The following WDR41 variants were observed in gnomAD, a reference collection of about 807,000 sequenced individuals.
The protein encoded by WDR41 is WD repeat domain 41.
WDR41 carries 63 observed loss-of-function variants against 69.3 expected under a neutral mutation model. The observed-to-expected ratio is 0.91, with a 90% confidence interval of 0.74 to 1.12. WDR41 has a LOEUF of 1.12. Among genes scored for constraint, WDR41 ranks in the 50% most tolerant of loss-of-function variants. WDR41 has a pLI of 0.00. For synonymous variants in WDR41, 185 were observed against 192.1 expected, an observed-to-expected ratio of 0.96 and a Z score of 0.31; for missense variants, 543 against 534.5, an observed-to-expected ratio of 1.02 and a Z score of -0.16.
intron 1 of WDR41, among the ~76,000 whole-genome samples, chr5:77,599,508 C>T (rs371306501): frequency 6.6e-6 from 1 of 151,970 alleles, no homozygotes; most frequent in South Asian, 2.1e-4. Flanking sequence ...CCTGGAAGCT[C>T]TTAATATCAG....
intron 1 of WDR41, among the ~76,000 whole-genome samples, chr5:77,557,693 C>T (rs563063090): frequency 6.6e-6 from 1 of 151,610 alleles, no homozygotes; most frequent in African/African-American, 2.4e-5. Flanking sequence ...CTCCTAGGCA[C>T]GTACCTACAG....
chr5:77,452,746 C>A (rs1799675397), intron 6 of WDR41: 1 of 152,108 alleles, frequency 6.6e-6, no homozygotes, highest in Non-Finnish European at 1.5e-5. Context: ...TGATAAATGG[C>A]AGTATTGTAA....
At chr5:77,492,420 C>T (rs975414361), upstream of WDR41, 4 of 613,486 alleles carry the variant, frequency 6.5e-6, no homozygotes, top group African/African-American at 3.9e-5. Flanking sequence ...TACCCAGCCA[C>T]GGAGGCTTAG....
intron 1 of WDR41, among the ~76,000 whole-genome samples, chr5:77,544,195 C>T (rs1469346619): frequency 2.6e-5 from 4 of 151,978 alleles, no homozygotes; most frequent in African/African-American, 7.3e-5. Context: ...AACAGAACTT[C>T]TTTAAAGCAT....
intron 1 of WDR41, among the ~76,000 whole-genome samples, chr5:77,555,047 A>G (rs2112247301): frequency 6.6e-6 from 1 of 151,762 alleles, no homozygotes; most frequent in South Asian, 2.1e-4. Context: ...TGATTGTACC[A>G]CTGCATTCCA....
chr5:77,546,149 C>T, intron 1 of WDR41: 1 of 481,630 alleles, frequency 2.1e-6, no homozygotes, highest in Non-Finnish European at 3.6e-6. Flanking sequence ...CCTCCGACCT[C>T]TGGAAGGAGA....
At chr5:77,609,951 G>T (rs2112338388) in intron 1 of WDR41, among the ~76,000 whole-genome samples, 1 of 152,190 alleles carries the variant, frequency 6.6e-6, no homozygotes, top group East Asian at 1.9e-4. Context: ...CCAATACAGA[G>T]AAGTGCTTAA....
intron 1 of WDR41, among the ~76,000 whole-genome samples, chr5:77,558,479 G>T (rs572479759): frequency 6.6e-6 from 1 of 152,128 alleles, no homozygotes; most frequent in Non-Finnish European, 1.5e-5. Context: ...GACCTGCACC[G>T]AATTCCCCAG....
Position 77,459,051 on chromosome 5 carries a change from T to A in WDR41, c.411+11A>T, listed in dbSNP as rs376959302. 14 of 1,576,452 alleles carry A rather than the reference T, an allele frequency of 8.9e-6. No homozygotes were observed. The highest frequency in any genetic ancestry group is 1.4e-5 in the African/African-American group (1 of 73,732). On this transcript the variant is annotated intron_variant, in intron 5 of 12. Transcript: ENST00000296679. ...ATTGTCATAAAAACTCATATTTACT[T>A]AAGATTTTACCTTTACAGTAGACTG... is the stretch of plus-strand genomic sequence containing the variant.
chr5:77,504,452 A>G (rs1240052665), intron 1 of WDR41, among the ~76,000 whole-genome samples: 1 of 152,158 alleles, frequency 6.6e-6, no homozygotes, highest in African/African-American at 2.4e-5. Flanking sequence ...GGTACAAAGA[A>G]GAGCTGGTAC....
At chr5:77,513,041 T>C (rs1298495079) in intron 1 of WDR41, among the ~76,000 whole-genome samples, 1 of 152,180 alleles carries the variant, frequency 6.6e-6, no homozygotes, top group Non-Finnish European at 1.5e-5. Flanking sequence ...ATTTAAATTA[T>C]TATGATTTTA....
In WDR41 at chr5:77,556,264, C is replaced by T. The variant is rs1426357271; in HGVS notation, c.42+64215G>A. Among the ~76,000 whole-genome samples the T allele has an allele frequency of 2.0e-5, 3 of 151,942 alleles. No homozygotes were observed. The East Asian group carries it at 5.8e-4, about 29-fold the overall frequency. On this transcript the variant is annotated intron_variant, in intron 1 of 5. Coordinates refer to the WDR41 transcript ENST00000509971. ...GGATTATAGGCCCATGCCACCACGC[C>T]CAGCTAATTTTTGTATTTTTAGTAG...
In WDR41 at chr5:77,585,897, A is replaced by G. The variant is rs148905106; in HGVS notation, c.42+34582T>C. The stretch of plus-strand genomic sequence containing the variant: ...TGTATACTGCTTGGGTGATGAGTGC[A>G]CCAAAATCTCACAAATCACCACTAA... On this transcript the variant is annotated intron_variant, in intron 1 of 5. Coordinates refer to the WDR41 transcript ENST00000509971. Among the ~76,000 whole-genome samples, 942 of 152,276 alleles carry G rather than the reference A, an allele frequency of 6.2e-3. 50 individuals carry two copies. In the East Asian group the frequency reaches 0.15, roughly 24 times the overall value.
intron 3 of WDR41, among the ~76,000 whole-genome samples, chr5:77,463,891 C>G (rs1800175449): frequency 6.6e-6 from 1 of 150,758 alleles, no homozygotes; most frequent in African/African-American, 2.4e-5. Flanking sequence ...TTATCACAGG[C>G]AAAGCCATTG....
In WDR41 at chr5:77,454,064, G is replaced by T; in HGVS notation, c.412-136C>A. On this transcript the variant is annotated intron_variant, in intron 5 of 12. Coordinates refer to ENST00000296679, the MANE Select transcript of WDR41 (RefSeq NM_018268.4). ...CTTATTTCTCCTTAGTAGATCATGT[G>T]GGCACTACTAAGTGACTAGCTTCTA... The T allele has an allele frequency of 4.5e-6, 3 of 664,078 alleles. No homozygotes were observed. The South Asian group carries it at 5.4e-5, about 12-fold the overall frequency. 41.1% of individuals were successfully genotyped at this position (664,078 alleles called of 1,614,324 possible).
chr5:77,455,399 T>C (rs1240848562), intron 5 of WDR41, among the ~76,000 whole-genome samples: 1 of 152,204 alleles, frequency 6.6e-6, no homozygotes, highest in East Asian at 1.9e-4. Flanking sequence ...AATTTGAAAA[T>C]ATTTTCTCCA....
chr5:77,617,239 CTT>C (rs920394116), intron 1 of WDR41, among the ~76,000 whole-genome samples: 2 of 152,196 alleles, frequency 1.3e-5, no homozygotes, highest in Non-Finnish European at 2.9e-5. Context: ...TTTTATCTAA[CTT>C]AAATTTAAAT....
rs60442242 is a variant in WDR41 at position 77,442,894 on chromosome 5, C to CAAAAAAAAAAAAAAAAAA, written c.698-1915_698-1898dup. On this transcript the variant is annotated intron_variant, in intron 8 of 12. Coordinates refer to ENST00000296679, the MANE Select transcript of WDR41 (RefSeq NM_018268.4). The stretch of plus-strand genomic sequence containing the variant: ...GCGACAGAGCGAGACTCTGTCTCCC[C>CAAAAAAAAAAAAAAAAAA]AAAAAAAAAAAAAAAAAAAGGATTT... Among the ~76,000 whole-genome samples, 54 of 56,236 alleles carry CAAAAAAAAAAAAAAAAAA rather than the reference C, an allele frequency of 9.6e-4. 2 individuals are homozygous for CAAAAAAAAAAAAAAAAAA. Among genetic ancestry groups the CAAAAAAAAAAAAAAAAAA allele is most frequent in the East Asian group, 4.4e-3 (8 of 1,814 alleles). 36.9% of individuals were successfully genotyped at this position (56,236 alleles called of 152,430 possible).
chr5:77,515,467 TGAGG>T (rs1278698611), intron 1 of WDR41, among the ~76,000 whole-genome samples: 6 of 152,218 alleles, frequency 3.9e-5, no homozygotes, highest in African/African-American at 1.4e-4. Flanking sequence ...AGGATCAGCC[TGAGG>T]CTGTTTTACA....
Sources: allele counts gnomAD v4.1 joint callset (sites outside exome capture counted in the v4.1 genomes callset), GRCh38; gene constraint gnomAD v4.1.1; transcripts MANE v1.5; gene names NCBI Gene and HGNC (gene_info 2026-07-23, HGNC 2026-07-21).